ABLIM2: variants seen among roughly 807,000 people sequenced by gnomAD.
ABLIM2 encodes the protein actin-binding LIM protein 2.
A neutral mutation model predicts 97.7 loss-of-function variants in ABLIM2; 53 were observed. The observed-to-expected ratio is 0.54, with a 90% CI of 0.44 to 0.68. The LOEUF (loss-of-function observed/expected upper bound fraction) is 0.68, where lower values mean the gene tolerates loss of function less well. Ranked by LOEUF, ABLIM2 falls within the 30% of genes least tolerant of loss-of-function variation. The probability of loss-of-function intolerance (pLI) is 0.00; values close to 1 mark genes in which losing one functional copy is unlikely to be tolerated. For missense variants in ABLIM2, 835 were observed against 867.2 expected (o/e 0.96, Z 0.47); for synonymous variants, 361 against 345.8 (o/e 1.04, Z -0.49).
At chr4:8,156,724 G>A (rs922205058) in intron 1 of ABLIM2, among the ~76,000 whole-genome samples, 3 of 152,224 alleles carry the variant, frequency 2.0e-5, no homozygotes, top group Admixed American at 2.0e-4. Context: ...GGTGTGGGGA[G>A]GGCCACAGGG....
chr4:8,039,005 G>A (rs942046561), intron 9 of ABLIM2, among the ~76,000 whole-genome samples: 4 of 152,158 alleles, frequency 2.6e-5, no homozygotes, highest in African/African-American at 4.8e-5. Flanking sequence ...CAGGCTCAGC[G>A]AAGGCCCCTC....
At chr4:8,036,734 G>A (rs373494389) in intron 9 of ABLIM2, among the ~76,000 whole-genome samples, 1 of 152,198 alleles carries the variant, frequency 6.6e-6, no homozygotes, top group Admixed American at 6.5e-5. Context: ...GGTTAAGGAG[G>A]CCATGCCTGT....
In ABLIM2 at chr4:7,998,641, A is replaced by G. The variant is rs1249996762; in HGVS notation, c.1619-5714T>C. On this transcript the variant is annotated intron_variant, in intron 16 of 20. Coordinates refer to ENST00000447017, the MANE Select transcript of ABLIM2 (RefSeq NM_001130083.2). The surrounding 1 kb of genome is among the most constrained non-coding windows in gnomAD (Gnocchi z 6.4). ...CATCTGCTAGTGTGGCTGCAGGAGG[A>G]AAACACCTGCCTCGTCACCTTTTGC... The G allele has an allele frequency of 2.0e-6, 1 of 509,712 alleles. No individual in the cohort carries two copies. Among genetic ancestry groups the G allele is most frequent in the African/African-American group, 1.9e-5 (1 of 51,770 alleles). The allele number at this position is 509,712 out of a possible 1,614,324, so 31.6% of individuals were successfully genotyped here. A position where few individuals can be genotyped will look rare whatever the true frequency, so the allele number is the denominator to read the frequency against.
chr4:7,992,053 G>A lies in ABLIM2; in HGVS notation c.1680+813C>T, dbSNP rs960682286. On this transcript the variant is annotated intron_variant, in intron 17 of 20. Transcript: ENST00000447017. The surrounding 1 kb of genome is among the most constrained non-coding windows in gnomAD (Gnocchi z 5.7). Reference sequence around the variant, plus strand: ...CCAGACTGGGACGAGGCTGCCTTGCGCAATGGGGAGACCCCTGGGCTGTGT... The same window carrying A: ...CCAGACTGGGACGAGGCTGCCTTGCACAATGGGGAGACCCCTGGGCTGTGT... Among the ~76,000 whole-genome samples the A allele has an allele frequency of 2.6e-5, 4 of 152,168 alleles. No homozygotes were observed. Among genetic ancestry groups the A allele is most frequent in the Non-Finnish European group, 5.9e-5 (4 of 68,020 alleles).
At chr4:8,053,055 G>GACC (rs1197306263) in intron 8 of ABLIM2, among the ~76,000 whole-genome samples, 1 of 152,212 alleles carries the variant, frequency 6.6e-6, no homozygotes, top group Non-Finnish European at 1.5e-5. Context: ...TTGGGTCACA[G>GACC]ACCACCAGCC....
intron 1 of ABLIM2, among the ~76,000 whole-genome samples, chr4:8,108,486 TG>T (rs1485668824): frequency 6.6e-6 from 1 of 152,204 alleles, no homozygotes; most frequent in Non-Finnish European, 1.5e-5. Context: ...GCCAGCTGCA[TG>T]GCAGACTCGC....
chr4:8,048,019 T>C lies in ABLIM2; in HGVS notation c.823-2778A>G, dbSNP rs969924538. ...CAGCCTCCAACTGTGCCTTGGTACA[T>C]ATGGGAGGGAGGGAGCGTTGGCTGG... On this transcript the variant is annotated intron_variant, in intron 8 of 20. Transcript: ENST00000447017. 2.0e-5 allele frequency among the ~76,000 whole-genome samples: 3 copies of C among 152,286 alleles called. No homozygotes were observed. The East Asian group carries it at 5.8e-4, about 29-fold the overall frequency.
chr4:8,156,369 C>G (rs545460989), intron 1 of ABLIM2, among the ~76,000 whole-genome samples: 1 of 152,348 alleles, frequency 6.6e-6, no homozygotes, highest in South Asian at 2.1e-4. Context: ...GGGCGCCCCA[C>G]AGCTAGGACA....
intron 1 of ABLIM2, among the ~76,000 whole-genome samples, chr4:8,110,349 C>T (rs189554227): frequency 2.0e-5 from 3 of 152,272 alleles, no homozygotes; most frequent in Admixed American, 6.5e-5. Flanking sequence ...CGGGGGACAG[C>T]GCGGGTGGTG....
intron 1 of ABLIM2, among the ~76,000 whole-genome samples, chr4:8,107,007 G>C (rs1435126642): frequency 6.6e-6 from 1 of 152,192 alleles, no homozygotes; most frequent in African/African-American, 2.4e-5. Context: ...AACCTGGCAC[G>C]ACCTTACCCT....
chr4:8,006,649 G>A (rs1282366885), intron 16 of ABLIM2, among the ~76,000 whole-genome samples: 2 of 152,230 alleles, frequency 1.3e-5, no homozygotes, highest in Non-Finnish European at 2.9e-5. Flanking sequence ...CCAGGCCAAT[G>A]TTCCCTGGCC....
In ABLIM2 at chr4:8,009,008, T is replaced by C. The variant is rs772108379; in HGVS notation, c.1476+42A>G. On this transcript the variant is annotated intron_variant, in intron 15 of 20. Transcript: ENST00000447017. ...AGCCCTCACAAAAGCAATTTCTTTC[T>C]GAGCAAGGCTGTTCTCAGCCAGATC... 3.7e-6 allele frequency: 6 copies of C among 1,611,078 alleles called. No individual in the cohort carries two copies. In the African/African-American group the frequency reaches 5.3e-5, roughly 14 times the overall value.
chr4:8,027,775 G>A lies in ABLIM2; in HGVS notation c.1251C>T (p.Tyr417=), dbSNP rs1778345973. 6.3e-7 allele frequency: 1 copy of A among 1,594,234 alleles called. No homozygotes were observed. The highest frequency in any genetic ancestry group is 1.4e-5 in the African/African-American group (1 of 73,984). The change falls in exon 12 of 21, where the codon TAC becomes TAT. Residue 417 remains tyrosine (Y), a synonymous_variant. Transcript: ENST00000447017. ...PSPTSVFRHH[Y]IPYFRGSESG... ...GTGCCTTACCTCGGAAGTAGGGGAT[G>A]TAATGATGTCTGAACACGGATGTAG...
intron 2 of ABLIM2, among the ~76,000 whole-genome samples, chr4:8,100,785 A>G (rs916769150): frequency 6.7e-6 from 1 of 148,688 alleles, no homozygotes; most frequent in African/African-American, 2.5e-5. Context: ...AATCAATGAG[A>G]TGAGGTCTAA....
At chr4:8,119,744 A>G (rs1578236539) in intron 1 of ABLIM2, among the ~76,000 whole-genome samples, 1 of 152,104 alleles carries the variant, frequency 6.6e-6, no homozygotes, top group Non-Finnish European at 1.5e-5. Context: ...CAAACAAACA[A>G]TCAAACAAAC....
chr4:8,075,984 G>A lies in ABLIM2; in HGVS notation c.675+1644C>T, dbSNP rs1317794776. Among the ~76,000 whole-genome samples the A allele has an allele frequency of 1.3e-5, 2 of 152,216 alleles. No individual in the cohort carries two copies. The highest frequency in any genetic ancestry group is 2.9e-5 in the Non-Finnish European group (2 of 68,042). On this transcript the variant is annotated intron_variant, in intron 6 of 20. Transcript: ENST00000447017. The surrounding 1 kb of genome is among the most constrained non-coding windows in gnomAD (Gnocchi z 4.4). ...GCTAACTATGATTGCATAGTCAGTG[G>A]TTTTATTTTCTTCTTAGCACCTCTC...
At chr4:7,990,147 C>G (rs913942476) in intron 17 of ABLIM2, among the ~76,000 whole-genome samples, 2 of 152,182 alleles carry the variant, frequency 1.3e-5, no homozygotes, top group African/African-American at 4.8e-5. Context: ...ATGATTGCCT[C>G]TATGCCTTGG....
intron 14 of ABLIM2, among the ~76,000 whole-genome samples, chr4:8,012,827 T>G (rs1164939199): frequency 1.3e-5 from 2 of 152,196 alleles, no homozygotes; most frequent in Non-Finnish European, 2.9e-5. Context: ...CATCCATTCC[T>G]CTCTTTGTCC....
chr4:8,001,946 GC>G lies in ABLIM2; in HGVS notation c.1618+6112del, dbSNP rs1757519005. Among the ~76,000 whole-genome samples the G allele has an allele frequency of 6.6e-6, 1 of 152,108 alleles. No individual in the cohort carries two copies. Among genetic ancestry groups the G allele is most frequent in the African/African-American group, 2.4e-5 (1 of 41,424 alleles). On this transcript the variant is annotated intron_variant, in intron 16 of 20. Coordinates refer to ENST00000447017, the MANE Select transcript of ABLIM2 (RefSeq NM_001130083.2). This position sits in a 1 kb window ranked among gnomAD's most constrained non-coding sequence, Gnocchi z 4.2. ...TGCGTGCTCTCTCTCTCTTTTTCTTGCTCTCTCTCCTCCCAGCATTTTGCTG... is the reference window on the plus strand; with the variant it reads ...TGCGTGCTCTCTCTCTCTTTTTCTTGTCTCTCTCCTCCCAGCATTTTGCTG...
Sources: gnomAD v4.1 joint callset for allele counts (sites outside exome capture counted in the v4.1 genomes callset) on GRCh38, gnomAD v4.1.1 for gene constraint, Gnocchi (gnomAD v3.1) non-coding constraint, MANE v1.5 for transcripts, NCBI Gene and HGNC (gene_info 2026-07-23, HGNC 2026-07-21) for gene names.